The following BBS9 variants were observed in gnomAD, a reference collection of about 807,000 sequenced individuals.
The protein encoded by BBS9 is Bardet-Biedl syndrome 9, also known as protein PTHB1.
In BBS9, 89 loss-of-function variants were observed where a neutral mutation model predicts 117.7. The observed-to-expected ratio is 0.76, with a 90% CI of 0.64 to 0.90. The LOEUF is 0.90. BBS9 is among the 40% of genes least tolerant of loss of function. The pLI is 0.00. For missense variants in BBS9, 982 were observed against 1,042.2 expected (o/e 0.94, Z 0.80); for synonymous variants, 379 against 370.9 (o/e 1.02, Z -0.25).
At chr7:33,421,237 C>T (rs1343012111) in intron 19 of BBS9, among the ~76,000 whole-genome samples, 2 of 151,198 alleles carry the variant, frequency 1.3e-5, no homozygotes, top group Non-Finnish European at 1.5e-5. Flanking sequence ...CAAGTAGGTA[C>T]GTCCAAGGAA....
intron 21 of BBS9, among the ~76,000 whole-genome samples, chr7:33,604,157 A>T (rs573342404): frequency 4.1e-4 from 63 of 152,348 alleles, no homozygotes; most frequent in African/African-American, 1.3e-3. Flanking sequence ...AAATCAGTCA[A>T]ATCAAGTTGC....
chr7:33,514,970 GT>G (rs1563285044), intron 20 of BBS9, among the ~76,000 whole-genome samples: 2 of 152,260 alleles, frequency 1.3e-5, no homozygotes, highest in South Asian at 4.1e-4. Context: ...TTAAGGCTTT[GT>G]AAGGACTAAT....
chr7:33,387,516 G>A (rs1483518639), intron 18 of BBS9, among the ~76,000 whole-genome samples: 2 of 151,720 alleles, frequency 1.3e-5, no homozygotes, highest in African/African-American at 4.8e-5. Context: ...GTTTTTTTTA[G>A]TTAGTAATTT....
chr7:33,535,080 G>A (rs1382708640), intron 21 of BBS9, among the ~76,000 whole-genome samples: 2 of 152,118 alleles, frequency 1.3e-5, no homozygotes. Flanking sequence ...GAATGCAAGT[G>A]AAATTGTAAA....
At chr7:33,522,615 T>C (rs1473388777) in intron 20 of BBS9, among the ~76,000 whole-genome samples, 1 of 152,082 alleles carries the variant, frequency 6.6e-6, no homozygotes, top group Non-Finnish European at 1.5e-5. Flanking sequence ...TCTTGTAAAC[T>C]TGTTTGAGTT....
chr7:33,591,981 G>A (rs1018593527), intron 21 of BBS9, among the ~76,000 whole-genome samples: 4 of 152,016 alleles, frequency 2.6e-5, no homozygotes, highest in African/African-American at 9.7e-5. Context: ...TTTTAAAAGG[G>A]ATGTGTACAG....
chr7:33,269,169 AT>A (rs1230404576), intron 7 of BBS9, among the ~76,000 whole-genome samples: 3 of 152,192 alleles, frequency 2.0e-5, no homozygotes, highest in African/African-American at 7.2e-5. Flanking sequence ...AAATATTTTA[AT>A]ATCTAAAGTA....
chr7:33,634,328 TG>T (rs1689343829), intron 21 of BBS9, among the ~76,000 whole-genome samples: 1 of 152,164 alleles, frequency 6.6e-6, no homozygotes, highest in South Asian at 2.1e-4. Flanking sequence ...GCATGGAGCT[TG>T]TTTGGACTCT....
chr7:33,252,694 A>G (rs945138059), intron 5 of BBS9, among the ~76,000 whole-genome samples: 10 of 152,050 alleles, frequency 6.6e-5, no homozygotes, highest in African/African-American at 2.2e-4. Flanking sequence ...TTGCAAGTAC[A>G]CATGTTCTGA....
chr7:33,499,846 C>T (rs1845205267), intron 19 of BBS9, among the ~76,000 whole-genome samples: 1 of 151,996 alleles, frequency 6.6e-6, no homozygotes, highest in South Asian at 2.1e-4. Context: ...TCCTAGATAC[C>T]CTTCAATAAA....
At chr7:33,264,396 TA>T in intron 7 of BBS9, 22 bp downstream of exon 7, 1 of 1,441,914 alleles carries the variant, frequency 6.9e-7, no homozygotes, top group South Asian at 1.3e-5. Context: ...TTTTAATATA[TA>T]AAAATTTCAA....
At chr7:33,431,670 T>G (rs1444004825) in intron 19 of BBS9, among the ~76,000 whole-genome samples, 1 of 152,212 alleles carries the variant, frequency 6.6e-6, no homozygotes. Context: ...ATCTTGGAAT[T>G]TCCAGCCACC....
chr7:33,265,500 C>T (rs566150183), intron 7 of BBS9, among the ~76,000 whole-genome samples: 9 of 152,050 alleles, frequency 5.9e-5, no homozygotes, highest in Non-Finnish European at 8.8e-5. Context: ...GTTTGTTAGC[C>T]TTACTAAATC....
rs1016101538 is a variant in BBS9 at position 33,605,529 on chromosome 7, T to C, written c.*303T>C. ...TGACATAGTTTTGGGTTAGATTTTA[T>C]AATGCAAAGATTCAGATCCAAAATA... is the stretch of plus-strand genomic sequence containing the variant. On this transcript the variant is annotated 3_prime_UTR_variant, in exon 23 of 23. Coordinates refer to ENST00000242067, the MANE Select transcript of BBS9 (RefSeq NM_198428.3). 2.5e-6 allele frequency: 1 copy of C among 403,138 alleles called. No homozygotes were observed. The highest frequency in any genetic ancestry group is 3.9e-5 in the Admixed American group (1 of 25,610). 25.0% of individuals were successfully genotyped at this position (403,138 alleles called of 1,614,324 possible).
intron 9 of BBS9, among the ~76,000 whole-genome samples, chr7:33,275,178 A>G (rs1215354422): frequency 2.6e-5 from 4 of 152,152 alleles, no homozygotes; most frequent in Admixed American, 1.3e-4. Flanking sequence ...GAAAAATGGA[A>G]ACGGTGTTTT....
At chr7:33,213,216 TC>T (rs1166953769) in intron 5 of BBS9, among the ~76,000 whole-genome samples, 1 of 152,150 alleles carries the variant, frequency 6.6e-6, no homozygotes, top group South Asian at 2.1e-4. Flanking sequence ...TTCCTGCTCT[TC>T]CCCCATCTTT....
At chr7:33,573,059 T>G (rs1415586304) in intron 21 of BBS9, among the ~76,000 whole-genome samples, 1 of 152,028 alleles carries the variant, frequency 6.6e-6, no homozygotes, top group Admixed American at 6.6e-5. Flanking sequence ...TTCTTGTAAT[T>G]TTATTGAGAT....
chr7:33,192,550 A>G (rs749829224), intron 5 of BBS9, among the ~76,000 whole-genome samples: 1 of 152,190 alleles, frequency 6.6e-6, no homozygotes, highest in Non-Finnish European at 1.5e-5. Flanking sequence ...CTTGCTTTTC[A>G]GGTTACTTTT....
At chr7:33,506,673 G>C (rs1266178317) in intron 20 of BBS9, among the ~76,000 whole-genome samples, 1 of 152,036 alleles carries the variant, frequency 6.6e-6, no homozygotes, top group Non-Finnish European at 1.5e-5. Context: ...AGTTTTATCA[G>C]CTGAATTGAA....
Sources: gnomAD v4.1 joint callset for allele counts (sites outside exome capture counted in the v4.1 genomes callset) on GRCh38, gnomAD v4.1.1 for gene constraint, MANE v1.5 for transcripts, NCBI Gene and HGNC (gene_info 2026-07-23, HGNC 2026-07-21) for gene names.